Variants in PGM5 observed in about 807,000 individuals in gnomAD.
PGM5 encodes the protein phosphoglucomutase 5, also known as phosphoglucomutase-like protein 5.
PGM5 carries 23 observed loss-of-function variants against 59.2 expected under a neutral mutation model. That is an observed-to-expected ratio of 0.39 (90% CI 0.28 to 0.55). The LOEUF (loss-of-function observed/expected upper bound fraction) is 0.55, where lower values mean the gene tolerates loss of function less well. Among genes scored for constraint, PGM5 ranks in the 20% least tolerant of loss-of-function variants. The probability of loss-of-function intolerance (pLI) is 0.66; values close to 1 mark genes in which losing one functional copy is unlikely to be tolerated. For missense variants in PGM5, 574 were observed against 748.3 expected (o/e 0.77, Z 2.72); for synonymous variants, 214 against 286.0 (o/e 0.75, Z 2.54).
chr9:68,467,580 T>C (rs1011434671), intron 7 of PGM5, among the ~76,000 whole-genome samples: 4 of 152,168 alleles, frequency 2.6e-5, no homozygotes, highest in African/African-American at 9.7e-5. Flanking sequence ...ATCCTCATTT[T>C]CCCCCTCCCC....
In PGM5 at chr9:68,357,200, G is replaced by A. The variant is rs1403720659; in HGVS notation, c.73G>A (p.Gly25Arg). The change falls in exon 1 of 11, where the codon GGG (glycine) becomes AGG (arginine). Residue 25 changes from glycine to arginine, a missense_variant. Transcript: ENST00000396396. ...CGAGGACCAGCGGCCGGCCGGCGGC[G>A]GGGGTCTGCGGCGACCCACCGGCCT... ...PYEDQRPAGG[G>R]GLRRPTGLFE... The A allele has an allele frequency of 1.3e-6, 2 of 1,539,692 alleles. No individual in the cohort carries two copies. Among genetic ancestry groups the A allele is most frequent in the Non-Finnish European group, 1.7e-6 (2 of 1,145,762 alleles).
intron 6 of PGM5, among the ~76,000 whole-genome samples, chr9:68,440,343 A>T (rs568105524): frequency 1.3e-5 from 2 of 152,304 alleles, no homozygotes; most frequent in Admixed American, 6.5e-5. Context: ...TAAAACAAAC[A>T]AACTAACTAA....
At chr9:68,410,927 G>A (rs782811138) in intron 6 of PGM5, among the ~76,000 whole-genome samples, 1 of 152,204 alleles carries the variant, frequency 6.6e-6, no homozygotes, top group African/African-American at 2.4e-5. Flanking sequence ...AAGGAACCAG[G>A]TTCTATCATT....
rs767761470 is a variant in PGM5, at chr9:68,437,506, G to C, written c.1044-27587G>C. Among the ~76,000 whole-genome samples the C allele has an allele frequency of 6.6e-6, 1 of 152,008 alleles. No individual in the cohort carries two copies. Among genetic ancestry groups the C allele is most frequent in the Non-Finnish European group, 1.5e-5 (1 of 68,006 alleles). ...TTACAAAGCTGCTAAACAACAAATG[G>C]TTTTTCTACAGATAGGGGATCTCTA... On this transcript the variant is annotated intron_variant, in intron 6 of 10. Transcript: ENST00000396396. This position sits in a 1 kb window ranked among gnomAD's most constrained non-coding sequence, Gnocchi z 4.1.
intron 10 of PGM5, 115 bp from the exon 11 acceptor site, chr9:68,529,452 G>T: frequency 1.3e-6 from 1 of 743,314 alleles, no homozygotes; most frequent in Non-Finnish European, 2.3e-6. Flanking sequence ...CATGAAGACT[G>T]CCTGTAAACA....
chr9:68,387,569 C>T lies in PGM5; in HGVS notation c.678C>T (p.Arg226=). 6.2e-7 allele frequency: 1 copy of T among 1,612,118 alleles called. No homozygotes were observed. The highest frequency in any genetic ancestry group is 8.5e-7 in the Non-Finnish European group (1 of 1,178,580). ...CTGGACCCAGCCAACTGAAGATTCGCATTGACGCAATGCACGGAGGTAAGC... is the reference window on the plus strand; with the variant it reads ...CTGGACCCAGCCAACTGAAGATTCGTATTGACGCAATGCACGGAGGTAAGC... ...LLTGPSQLKI[R]IDAMHGVMGP... is the part of the protein sequence containing the mutation. Residue 226 remains arginine, a synonymous_variant, in exon 4 of 11, where the codon CGC becomes CGT. Transcript: ENST00000396396.
chr9:68,426,490 G>C (rs1199128681), intron 6 of PGM5, among the ~76,000 whole-genome samples: 2 of 152,040 alleles, frequency 1.3e-5, no homozygotes, highest in African/African-American at 4.8e-5. Flanking sequence ...TTATAGTTGT[G>C]CCATAATTTA....
chr9:68,377,577 C>G (rs1821954133), intron 1 of PGM5, among the ~76,000 whole-genome samples: 1 of 152,194 alleles, frequency 6.6e-6, no homozygotes, highest in Non-Finnish European at 1.5e-5. Context: ...TGGAAAGAAT[C>G]TGGCTGCATC....
At position 68,499,349 on chromosome 9, in the gene PGM5, C is replaced by T; in HGVS notation, c.1602C>T (p.Asp534=). Residue 534 remains aspartate, a synonymous_variant, in exon 10 of 11, where the codon GAC becomes GAT. Coordinates refer to ENST00000396396, the MANE Select transcript of PGM5 (RefSeq NM_021965.4). ...ESYERDPSGH[D]QEPQAVLSPL... Reference sequence around the variant, plus strand: ...ACGAGAGGGATCCCAGCGGCCATGACCAGGAGCCACAGGTACAGAAACAGC... The same window carrying T: ...ACGAGAGGGATCCCAGCGGCCATGATCAGGAGCCACAGGTACAGAAACAGC... 1 of 1,614,022 alleles carries T rather than the reference C, an allele frequency of 6.2e-7. No individual in the cohort carries two copies. Among genetic ancestry groups the T allele is most frequent in the Non-Finnish European group, 8.5e-7 (1 of 1,179,980 alleles).
At chr9:68,438,381 C>A (rs965490748) in intron 6 of PGM5, among the ~76,000 whole-genome samples, 3 of 151,688 alleles carry the variant, frequency 2.0e-5, no homozygotes, top group African/African-American at 7.3e-5. Context: ...GACTGTCAAC[C>A]TCAGATGTGT....
intron 10 of PGM5, among the ~76,000 whole-genome samples, chr9:68,512,259 G>A (rs1824761319): frequency 6.6e-6 from 1 of 152,234 alleles, no homozygotes; most frequent in Non-Finnish European, 1.5e-5. Flanking sequence ...CTAGCCAGGA[G>A]GCATGTGCTC....
chr9:68,364,288 G>T (rs1406464340), intron 1 of PGM5, among the ~76,000 whole-genome samples: 1 of 152,022 alleles, frequency 6.6e-6, no homozygotes, highest in Non-Finnish European at 1.5e-5. Context: ...ATGAAAAGCT[G>T]GTTGCTCTAA....
chr9:68,441,538 G>A (rs985812795), intron 6 of PGM5, among the ~76,000 whole-genome samples: 13 of 152,100 alleles, frequency 8.5e-5, no homozygotes, highest in African/African-American at 3.1e-4. Flanking sequence ...CATCAATTGA[G>A]GCACAAGATC....
At chr9:68,525,706 A>G (rs1305978716) in intron 10 of PGM5, among the ~76,000 whole-genome samples, 1 of 152,238 alleles carries the variant, frequency 6.6e-6, no homozygotes, top group Non-Finnish European at 1.5e-5. Flanking sequence ...TAAGTGATAC[A>G]TGACTGTTTA....
chr9:68,391,610 C>T lies in PGM5; in HGVS notation c.774C>T (p.Pro258=), dbSNP rs1554679465. The change falls in exon 5 of 11, where the codon CCC becomes CCT. Residue 258 remains proline (P), a synonymous_variant. Coordinates refer to ENST00000396396, the MANE Select transcript of PGM5 (RefSeq NM_021965.4). The part of the protein sequence containing the change: ...APANSAINCV[P]LEDFGGQHPD... ...CCAATTCTGCAATAAACTGTGTTCCCCTGGAAGACTTTGGAGGGCAGCACC... is the reference window on the plus strand; with the variant it reads ...CCAATTCTGCAATAAACTGTGTTCCTCTGGAAGACTTTGGAGGGCAGCACC... 1 of 1,613,248 alleles carries T rather than the reference C, an allele frequency of 6.2e-7. No individual in the cohort carries two copies. Among genetic ancestry groups the T allele is most frequent in the Non-Finnish European group, 8.5e-7 (1 of 1,179,460 alleles).
chr9:68,437,187 C>T lies in PGM5; in HGVS notation c.1044-27906C>T, dbSNP rs543131634. Among the ~76,000 whole-genome samples, 22 of 152,284 alleles carry T rather than the reference C, an allele frequency of 1.4e-4. No homozygotes were observed. The highest frequency in any genetic ancestry group is 5.1e-4 in the African/African-American group (21 of 41,556). ...GATCATGACACATACCTGTCAGTGA[C>T]ATGCAAATTAAAAATTCTTGGCAAC... is the stretch of plus-strand genomic sequence containing the variant. On this transcript the variant is annotated intron_variant, in intron 6 of 10. Coordinates refer to ENST00000396396, the MANE Select transcript of PGM5 (RefSeq NM_021965.4). This position sits in a 1 kb window ranked among gnomAD's most constrained non-coding sequence, Gnocchi z 4.1.
At chr9:68,425,381 T>G (rs1425278602) in intron 6 of PGM5, among the ~76,000 whole-genome samples, 1 of 152,134 alleles carries the variant, frequency 6.6e-6, no homozygotes. Context: ...GTGGTAAGGA[T>G]TAGAGTAGAG....
At chr9:68,482,865 A>G (rs1381705486) in intron 8 of PGM5, among the ~76,000 whole-genome samples, 1 of 152,252 alleles carries the variant, frequency 6.6e-6, no homozygotes, top group Non-Finnish European at 1.5e-5. Flanking sequence ...TCATATTTTA[A>G]ACCCCACAAT....
intron 6 of PGM5, among the ~76,000 whole-genome samples, chr9:68,433,541 C>T (rs1419439506): frequency 6.6e-6 from 1 of 152,188 alleles, no homozygotes; most frequent in East Asian, 1.9e-4. Context: ...TTTTTGAAAG[C>T]TGAGAGCCAC....
Sources: gnomAD v4.1 joint callset for allele counts (sites outside exome capture counted in the v4.1 genomes callset) on GRCh38, gnomAD v4.1.1 for gene constraint, Gnocchi (gnomAD v3.1) non-coding constraint, MANE v1.5 for transcripts, NCBI Gene and HGNC (gene_info 2026-07-23, HGNC 2026-07-21) for gene names.